Variants in NEO1 observed in about 807,000 individuals in gnomAD.
NEO1 encodes neogenin 1, also known as neogenin.
In NEO1, 63 loss-of-function variants were observed where a neutral mutation model predicts 159.7. The ratio of observed to expected loss-of-function variants is 0.39; its 90% CI spans 0.32 to 0.49. NEO1 has a LOEUF of 0.49. NEO1 is among the 20% of genes least tolerant of loss of function. The pLI is 0.85. For synonymous variants in NEO1, 633 were observed against 662.0 expected (o/e 0.96, Z 0.67); for missense variants, 1,615 against 1,831.0 (o/e 0.88, Z 2.15).
chr15:73,130,523 A>G (rs561843734), intron 4 of NEO1, among the ~76,000 whole-genome samples: 9 of 152,310 alleles, frequency 5.9e-5, no homozygotes, highest in Non-Finnish European at 1.3e-4. Flanking sequence ...CTCCAGTCAA[A>G]CACCGCAGAA....
At chr15:73,078,929 C>T (rs533636562) in intron 1 of NEO1, among the ~76,000 whole-genome samples, 1 of 152,340 alleles carries the variant, frequency 6.6e-6, no homozygotes, top group East Asian at 1.9e-4. Flanking sequence ...TGAACTCAGG[C>T]CAGGCTCTTA....
At chr15:73,299,474 C>T (rs1233667990) in intron 27 of NEO1, among the ~76,000 whole-genome samples, 1 of 151,820 alleles carries the variant, frequency 6.6e-6, no homozygotes, top group African/African-American at 2.4e-5. Flanking sequence ...CAAGCTCCGA[C>T]TCCCGGGTTC....
intron 7 of NEO1, among the ~76,000 whole-genome samples, chr15:73,188,011 C>G (rs1430487239): frequency 1.3e-5 from 2 of 152,124 alleles, no homozygotes; most frequent in African/African-American, 2.4e-5. Context: ...CTTTCTCCTA[C>G]CAAATCCAGA....
chr15:73,091,383 CT>C (rs35876706), intron 1 of NEO1, among the ~76,000 whole-genome samples: 10 of 151,554 alleles, frequency 6.6e-5, no homozygotes, highest in Non-Finnish European at 1.5e-4. Context: ...TTTATACAAA[CT>C]TTTTTTTTCC....
intron 14 of NEO1, 49 bp from the exon 15 acceptor site, chr15:73,260,222 T>C (rs1363878199): frequency 6.5e-7 from 1 of 1,548,824 alleles, no homozygotes; most frequent in South Asian, 1.2e-5. Flanking sequence ...TGGTGAGATA[T>C]TTTAAAGGAC....
At chr15:73,267,832 A>C (rs2040984556) in intron 16 of NEO1, among the ~76,000 whole-genome samples, 1 of 152,112 alleles carries the variant, frequency 6.6e-6, no homozygotes. Context: ...TTAGAGTTAT[A>C]AATTTTTTAA....
intron 27 of NEO1, 130 bp from the exon 28 acceptor site, chr15:73,301,191 T>A: frequency 1.7e-6 from 2 of 1,182,678 alleles, no homozygotes; most frequent in Non-Finnish European, 2.4e-6. Flanking sequence ...CAGTAACTTT[T>A]CAGAGCAGTA....
intron 23 of NEO1, among the ~76,000 whole-genome samples, chr15:73,283,526 C>T (rs926189290): frequency 1.3e-5 from 2 of 152,198 alleles, no homozygotes; most frequent in African/African-American, 2.4e-5. Flanking sequence ...AGCCTCCTCC[C>T]AGCGGGCAGT....
intron 1 of NEO1, among the ~76,000 whole-genome samples, chr15:73,081,079 GAACACATAA>G (rs1332311794): frequency 6.6e-6 from 1 of 152,098 alleles, no homozygotes; most frequent in African/African-American, 2.4e-5. Context: ...ATATATTGCT[GAACACATAA>G]AACACAGACA....
chr15:73,217,083 A>C (rs1204152157), intron 7 of NEO1, among the ~76,000 whole-genome samples: 6 of 152,074 alleles, frequency 3.9e-5, no homozygotes, highest in Non-Finnish European at 7.4e-5. Context: ...TAAGTCTTTA[A>C]TCCATCTTGA....
intron 5 of NEO1, among the ~76,000 whole-genome samples, chr15:73,171,239 T>G (rs1438366434): frequency 1.3e-5 from 2 of 152,136 alleles, no homozygotes; most frequent in Non-Finnish European, 2.9e-5. Context: ...TGCACCTTGT[T>G]TGCCCAATTT....
At chr15:73,056,707 C>G (rs891451548) in intron 1 of NEO1, among the ~76,000 whole-genome samples, 2 of 152,124 alleles carry the variant, frequency 1.3e-5, no homozygotes, top group Non-Finnish European at 2.9e-5. Flanking sequence ...TTAAGTTAAC[C>G]ATCCTTAATT....
Position 73,258,752 on chromosome 15 carries a change from T to A in NEO1, c.2093-14T>A. The A allele has an allele frequency of 1.9e-6, 3 of 1,603,740 alleles. No homozygotes were observed. Among genetic ancestry groups the A allele is most frequent in the Non-Finnish European group, 1.7e-6 (2 of 1,170,864 alleles). Reference sequence around the variant, plus strand: ...GCTCTTGTTTCAGTTGTCTTCTTTGTCATTTGGTCTCAGGTCTTGATCGGG... The same window carrying A: ...GCTCTTGTTTCAGTTGTCTTCTTTGACATTTGGTCTCAGGTCTTGATCGGG... On this transcript the variant is annotated splice_polypyrimidine_tract_variant and intron_variant, in intron 13 of 28. Transcript: ENST00000261908.
At chr15:73,134,653 C>A (rs1420881012) in intron 4 of NEO1, among the ~76,000 whole-genome samples, 1 of 151,560 alleles carries the variant, frequency 6.6e-6, no homozygotes, top group African/African-American at 2.4e-5. Flanking sequence ...CGGGTTCAAG[C>A]GATTCTCCTG....
At chr15:73,257,126 T>C (rs1370454497) in intron 13 of NEO1, among the ~76,000 whole-genome samples, 1 of 7,418 alleles carries the variant, frequency 1.3e-4, no homozygotes, top group Non-Finnish European at 4.9e-4. Context: ...AGAGAGACTC[T>C]GTCTCCAAAA....
chr15:73,236,984 A>G (rs1259965283), intron 8 of NEO1, among the ~76,000 whole-genome samples: 1 of 152,198 alleles, frequency 6.6e-6, no homozygotes, highest in Non-Finnish European at 1.5e-5. Context: ...AGGAGCTCAC[A>G]TTGCTCATAG....
intron 22 of NEO1, among the ~76,000 whole-genome samples, chr15:73,279,380 G>A (rs536324525): frequency 3.1e-4 from 33 of 105,066 alleles, no homozygotes; most frequent in African/African-American, 1.0e-3. Context: ...ATGGAATCTC[G>A]CTCTGTCACC....
intron 8 of NEO1, among the ~76,000 whole-genome samples, chr15:73,243,635 A>T (rs546225522): frequency 1.3e-5 from 2 of 152,346 alleles, no homozygotes; most frequent in East Asian, 3.9e-4. Context: ...AGCCACCTTT[A>T]GTAAAGAACC....
rs116403904 is a variant in NEO1 at position 73,145,024 on chromosome 15, A to G, written c.1015+8997A>G. ...TCTAACCTGGTCTCTCCTCAAATCC[A>G]TTCTTCACAGAGTGGCAAAAGTGAT... On this transcript the variant is annotated intron_variant, in intron 5 of 28. Transcript: ENST00000261908. Among the ~76,000 whole-genome samples, 929 of 152,308 alleles carry G rather than the reference A, an allele frequency of 6.1e-3. 11 individuals carry two copies. Among genetic ancestry groups the G allele is most frequent in the African/African-American group, 0.021 (881 of 41,564 alleles).
Sources: allele counts gnomAD v4.1 joint callset (sites outside exome capture counted in the v4.1 genomes callset), GRCh38; gene constraint gnomAD v4.1.1; transcripts MANE v1.5; gene names NCBI Gene and HGNC (gene_info 2026-07-23, HGNC 2026-07-21).